The following OTOGL variants were observed in gnomAD, a reference collection of about 807,000 sequenced individuals.
OTOGL encodes otogelin-like protein.
Under a neutral mutation model 318.5 loss-of-function variants are expected in OTOGL, and 285 were observed. The ratio of observed to expected loss-of-function variants is 0.89; its 90% CI spans 0.81 to 0.99. OTOGL has a LOEUF of 0.99. OTOGL is among the 50% of genes least tolerant of loss of function. The pLI is 0.00. For missense variants in OTOGL, 2,899 were observed against 2,845.6 expected, an observed-to-expected ratio of 1.02 and a Z score of -0.43; for synonymous variants, 987 against 936.5, an observed-to-expected ratio of 1.05 and a Z score of -0.99.
rs75390069 is a variant in OTOGL, at chr12:80,106,546, T to G, written c.-20+6941T>G. ...TGTTTCCTAAACTGATTATTAGATT[T>G]TCAGGCAACTGGCACATATTATAAC... On this transcript the variant is annotated intron_variant, in intron 1 of 58. Transcript: ENST00000547103. 4.1e-3 allele frequency among the ~76,000 whole-genome samples: 617 copies of G among 152,334 alleles called. 4 individuals are homozygous for G. The highest frequency in any genetic ancestry group is 0.014 in the African/African-American group (594 of 41,576).
Position 80,320,678 on chromosome 12 carries a change from T to C in OTOGL, c.4059T>C (p.His1353=). ...SKYDDSEEFK[H]SSSFSIEEIQ... Reference sequence around the variant, plus strand: ...ATGATGATTCTGAAGAATTTAAACATTCAAGTAGCTTCAGCATAGAAGGTA... The same window carrying C: ...ATGATGATTCTGAAGAATTTAAACACTCAAGTAGCTTCAGCATAGAAGGTA... Residue 1353 remains histidine (H), a synonymous_variant, in exon 34 of 59, where the codon CAT becomes CAC. Transcript: ENST00000547103. 6.2e-7 allele frequency: 1 copy of C among 1,604,188 alleles called. No homozygotes were observed. Among genetic ancestry groups the C allele is most frequent in the Non-Finnish European group, 8.5e-7 (1 of 1,174,966 alleles).
intron 1 of OTOGL, among the ~76,000 whole-genome samples, chr12:80,186,082 C>G (rs531043857): frequency 6.6e-6 from 1 of 152,270 alleles, no homozygotes; most frequent in Admixed American, 6.5e-5. Flanking sequence ...AAGTCATACC[C>G]TTCCTATATT....
At chr12:80,161,861 G>A (rs1283511519) in intron 1 of OTOGL, among the ~76,000 whole-genome samples, 2 of 152,266 alleles carry the variant, frequency 1.3e-5, no homozygotes, top group South Asian at 2.1e-4. Context: ...TGAGAAAAGC[G>A]TTTCCAAGTA....
At chr12:80,200,392 A>G (rs1876375289) in intron 1 of OTOGL, among the ~76,000 whole-genome samples, 1 of 152,202 alleles carries the variant, frequency 6.6e-6, no homozygotes, top group African/African-American at 2.4e-5. Flanking sequence ...CTATGAAGCA[A>G]TTCCTGTGAT....
chr12:80,141,288 G>A (rs1871924057), intron 1 of OTOGL, among the ~76,000 whole-genome samples: 1 of 152,194 alleles, frequency 6.6e-6, no homozygotes, highest in South Asian at 2.1e-4. Context: ...CCTCATTTGT[G>A]TAACTTTAAT....
At chr12:80,332,031 A>T (rs779915873) in intron 37 of OTOGL, among the ~76,000 whole-genome samples, 6 of 152,196 alleles carry the variant, frequency 3.9e-5, no homozygotes, top group Non-Finnish European at 8.8e-5. Flanking sequence ...CAGATAGTTC[A>T]TAGAAGCTGG....
At chr12:80,121,450 G>C (rs1870482013) in intron 1 of OTOGL, among the ~76,000 whole-genome samples, 1 of 152,120 alleles carries the variant, frequency 6.6e-6, no homozygotes, top group Admixed American at 6.6e-5. Context: ...TTAAGTATCT[G>C]CAACAACTTC....
intron 7 of OTOGL, among the ~76,000 whole-genome samples, chr12:80,227,716 C>A (rs973308587): frequency 4.6e-5 from 7 of 152,104 alleles, no homozygotes. Flanking sequence ...ACATTTTAGG[C>A]CTACTCTTCC....
rs2137618943 is a variant in OTOGL, at chr12:80,278,238, C to T, written c.2752C>T (p.Leu918Phe). Residue 918 changes from leucine (L) to phenylalanine (F), a missense_variant, in exon 25 of 59, where the codon CTC (leucine) becomes TTC (phenylalanine). Leu to Phe is a conservative substitution (Grantham distance 22, BLOSUM62 0). This residue lies in a region of OTOGL where 2,607 missense variants were observed against 2,524.9 expected (regional missense o/e 1.03). Coordinates refer to ENST00000547103, the MANE Select transcript of OTOGL (RefSeq NM_001378609.3). Reference protein sequence around the residue: ...CPCIWKDWEYLSGEVIATPCY... With the variant: ...CPCIWKDWEYFSGEVIATPCY... Reference sequence around the variant, plus strand: ...ATGTATTTGGAAAGATTGGGAGTATCTCTCAGGAGAAGTGATTGCTACACC... The same window carrying T: ...ATGTATTTGGAAAGATTGGGAGTATTTCTCAGGAGAAGTGATTGCTACACC... 6.5e-7 allele frequency: 1 copy of T among 1,546,162 alleles called. No homozygotes were observed. The highest frequency in any genetic ancestry group is 2.4e-5 in the East Asian group (1 of 40,846).
chr12:80,156,381 G>A (rs978493485), intron 1 of OTOGL, among the ~76,000 whole-genome samples: 3 of 152,266 alleles, frequency 2.0e-5, no homozygotes, highest in East Asian at 1.9e-4. Flanking sequence ...TTGTGGTCAC[G>A]TGAGTCAATA....
intron 1 of OTOGL, among the ~76,000 whole-genome samples, chr12:80,160,747 G>A (rs556901563): frequency 1.3e-5 from 2 of 152,258 alleles, no homozygotes; most frequent in African/African-American, 4.8e-5. Flanking sequence ...TTACCCAGAG[G>A]AAAAGAAGTC....
chr12:80,202,828 AAC>A (rs1346488065), intron 1 of OTOGL, among the ~76,000 whole-genome samples: 1 of 152,134 alleles, frequency 6.6e-6, no homozygotes, highest in African/African-American at 2.4e-5. Context: ...CTTCCTTCTG[AAC>A]ATCTGCTCCA....
Position 80,108,821 on chromosome 12 carries a change from ATATG to A in OTOGL, c.-20+9220_-20+9223del, listed in dbSNP as rs1215114322. Reference sequence around the variant, plus strand: ...TATATGTATATATATATGTGTATATATATGTATATATATTGTATATATATGTGTA... The same window carrying A: ...TATATGTATATATATATGTGTATATATATATATATTGTATATATATGTGTA... On this transcript the variant is annotated intron_variant, in intron 1 of 58. Coordinates refer to ENST00000547103, the MANE Select transcript of OTOGL (RefSeq NM_001378609.3). Among the ~76,000 whole-genome samples, 34 of 135,466 alleles carry A rather than the reference ATATG, an allele frequency of 2.5e-4. 2 individuals are homozygous for A. The highest frequency in any genetic ancestry group is 9.2e-4 in the African/African-American group (33 of 35,774). The allele number at this position is 135,466 out of a possible 152,430, so 88.9% of individuals were successfully genotyped here. A position where few individuals can be genotyped will look rare whatever the true frequency, so the allele number is the denominator to read the frequency against.
chr12:80,108,872 G>GTA (rs1164729014), intron 1 of OTOGL, among the ~76,000 whole-genome samples: 16 of 135,174 alleles, frequency 1.2e-4, no homozygotes, highest in Non-Finnish European at 1.9e-4. Flanking sequence ...ATATATATGT[G>GTA]TATATATGTG....
intron 57 of OTOGL, among the ~76,000 whole-genome samples, chr12:80,373,956 T>G (rs1464639002): frequency 2.6e-5 from 4 of 152,128 alleles, no homozygotes; most frequent in Non-Finnish European, 5.9e-5. Flanking sequence ...AATTTTTATT[T>G]ACATAATGTC....
Position 80,271,648 on chromosome 12 carries a change from T to G in OTOGL, c.2519T>G (p.Val840Gly), listed in dbSNP as rs778439141. 1 of 1,612,054 alleles carries G rather than the reference T, an allele frequency of 6.2e-7. No homozygotes were observed. Residue 840 changes from valine (V) to glycine (G), a missense_variant and splice_region_variant, in exon 24 of 59, where the codon GTT (valine) becomes GGT (glycine). By Grantham distance (109) the Val-to-Gly change is moderately radical. Coordinates refer to ENST00000547103, the MANE Select transcript of OTOGL (RefSeq NM_001378609.3). Reference sequence around the variant, plus strand: ...ATTTTGTCTGTGCTTATATCTGAAGTTCACATCTGCCCAGAGGGAAAAGAG... The same window carrying G: ...ATTTTGTCTGTGCTTATATCTGAAGGTCACATCTGCCCAGAGGGAAAAGAG... ...KCDELATPSA[V>G]HICPEGKEYF...
intron 26 of OTOGL, among the ~76,000 whole-genome samples, chr12:80,292,962 G>C (rs1220005269): frequency 3.3e-5 from 5 of 152,130 alleles, no homozygotes; most frequent in African/African-American, 1.2e-4. Context: ...GAGGCCAAAA[G>C]ACTGAATTTA....
At chr12:80,270,314 C>T (rs1359411138) in intron 23 of OTOGL, among the ~76,000 whole-genome samples, 160 bp downstream of exon 23, 1 of 152,082 alleles carries the variant, frequency 6.6e-6, no homozygotes, top group East Asian at 1.9e-4. Flanking sequence ...ACTTTTTCCA[C>T]ATTGAAAATT....
intron 57 of OTOGL, among the ~76,000 whole-genome samples, chr12:80,372,938 C>T (rs555372658): frequency 2.6e-5 from 4 of 151,990 alleles, no homozygotes; most frequent in African/African-American, 7.2e-5. Flanking sequence ...CTGCCCACTT[C>T]GGCCTCCCAA....
Sources: gnomAD v4.1 joint callset for allele counts (sites outside exome capture counted in the v4.1 genomes callset) on GRCh38, gnomAD v4.1.1 for gene constraint, gnomAD v4.1.1 regional missense constraint, MANE v1.5 for transcripts, NCBI Gene and HGNC (gene_info 2026-07-23, HGNC 2026-07-21) for gene names.